The following HPSE2 variants were observed in gnomAD, a reference collection of about 807,000 sequenced individuals.
HPSE2 encodes heparanase 2 (inactive).
HPSE2 carries 38 observed loss-of-function variants against 60.5 expected under a neutral mutation model. That is an observed-to-expected ratio of 0.63 (90% CI 0.48 to 0.82). The LOEUF (loss-of-function observed/expected upper bound fraction) is 0.82, where lower values mean the gene tolerates loss of function less well. HPSE2 is among the 40% of genes least tolerant of loss of function. The pLI is 0.00. For synonymous variants in HPSE2, 295 were observed against 293.2 expected, an observed-to-expected ratio of 1.01 and a Z score of -0.06; for missense variants, 713 against 740.4, an observed-to-expected ratio of 0.96 and a Z score of 0.43.
At chr10:98,603,597 T>G (rs968080135) in intron 9 of HPSE2, among the ~76,000 whole-genome samples, 1 of 151,940 alleles carries the variant, frequency 6.6e-6, no homozygotes, top group Non-Finnish European at 1.5e-5. Flanking sequence ...GCCAGGCTAA[T>G]TTTTTGTATT....
chr10:98,903,383 T>C (rs940593189), intron 3 of HPSE2, among the ~76,000 whole-genome samples: 2 of 152,070 alleles, frequency 1.3e-5, no homozygotes, highest in South Asian at 2.1e-4. Context: ...TAAAAGACAT[T>C]GAATTGTACA....
At chr10:99,305,834 C>T in the HPSE2 span, among the ~76,000 whole-genome samples, 1 of 152,132 alleles carries the variant, frequency 6.6e-6, no homozygotes, top group South Asian at 2.1e-4. Context: ...ATCAAATGGA[C>T]ATTCTGACTC....
intron 4 of HPSE2, among the ~76,000 whole-genome samples, chr10:98,724,317 G>A (rs181756952): frequency 0.014 from 2,197 of 152,258 alleles, 54 homozygotes; most frequent in African/African-American, 0.05. Context: ...TGATTGCACT[G>A]TGGTCTGAGA....
At chr10:99,072,502 G>A (rs1842824233) in intron 3 of HPSE2, among the ~76,000 whole-genome samples, 1 of 152,002 alleles carries the variant, frequency 6.6e-6, no homozygotes, top group Non-Finnish European at 1.5e-5. Context: ...GACATGAACA[G>A]ACACTTCTCA....
intron 2 of HPSE2, among the ~76,000 whole-genome samples, chr10:99,158,734 C>CTTAAATATATACTTAAAGTATATAT (rs1846693914): frequency 4.0e-5 from 6 of 148,596 alleles, no homozygotes; most frequent in Non-Finnish European, 8.9e-5. Flanking sequence ...TACCCTAAAA[C>CTTAAATATATACTTAAAGTATATAT]TTAAAGTATA....
intron 6 of HPSE2, among the ~76,000 whole-genome samples, chr10:98,653,559 T>C (rs549695916): frequency 1.3e-5 from 2 of 152,002 alleles, no homozygotes; most frequent in Non-Finnish European, 2.9e-5. Context: ...CCAATATACA[T>C]TTTTAATGAA....
chr10:98,689,149 GA>G (rs1948008133), intron 6 of HPSE2, among the ~76,000 whole-genome samples: 1 of 152,014 alleles, frequency 6.6e-6, no homozygotes, highest in Admixed American at 6.6e-5. Context: ...AAAATTGGGA[GA>G]AGTTCAGCTT....
At chr10:98,483,360 A>G (rs1788434878) in intron 10 of HPSE2, among the ~76,000 whole-genome samples, 1 of 152,246 alleles carries the variant, frequency 6.6e-6, no homozygotes, top group Non-Finnish European at 1.5e-5. Context: ...AAACTTTTCA[A>G]TCATAGAAGT....
chr10:98,995,812 GGACA>G (rs1956630128), intron 3 of HPSE2, among the ~76,000 whole-genome samples: 2 of 152,024 alleles, frequency 1.3e-5, no homozygotes, highest in South Asian at 2.1e-4. Context: ...CAAGACACTT[GGACA>G]GACACTTTAC....
chr10:98,806,680 TATA>T (rs1465527044), intron 3 of HPSE2, among the ~76,000 whole-genome samples: 2 of 152,254 alleles, frequency 1.3e-5, no homozygotes, highest in African/African-American at 2.4e-5. Context: ...GTTAAATGGA[TATA>T]ATACTTTTTA....
chr10:98,764,689 T>C (rs767252616), intron 3 of HPSE2, among the ~76,000 whole-genome samples: 1 of 152,032 alleles, frequency 6.6e-6, no homozygotes, highest in Non-Finnish European at 1.5e-5. Context: ...CCCTGTCTTC[T>C]ACTAAAAAAA....
intron 3 of HPSE2, chr10:99,047,943 G>A: frequency 1.3e-6 from 1 of 746,372 alleles, no homozygotes; most frequent in Non-Finnish European, 2.4e-6. Flanking sequence ...GATGGTGTTA[G>A]CCCAAAGGTC....
At chr10:99,104,376 C>T (rs1844149925) in intron 3 of HPSE2, among the ~76,000 whole-genome samples, 1 of 152,098 alleles carries the variant, frequency 6.6e-6, no homozygotes, top group Admixed American at 6.5e-5. Context: ...CATCTCACAC[C>T]AGTTAGAATG....
At chr10:98,888,820 T>C (rs914122180) in intron 3 of HPSE2, among the ~76,000 whole-genome samples, 5 of 152,226 alleles carry the variant, frequency 3.3e-5, no homozygotes, top group African/African-American at 4.8e-5. Context: ...GGGAAACCAA[T>C]TAAATTTGAG....
intron 3 of HPSE2, among the ~76,000 whole-genome samples, chr10:99,080,920 G>A (rs531712433): frequency 1.3e-5 from 2 of 152,286 alleles, no homozygotes; most frequent in South Asian, 2.1e-4. Context: ...AATGCTGACT[G>A]TAGAATATTT....
chr10:99,132,892 G>T (rs1589708475), intron 3 of HPSE2, among the ~76,000 whole-genome samples: 1 of 152,250 alleles, frequency 6.6e-6, no homozygotes, highest in Middle Eastern at 3.4e-3. Context: ...AGACAGAACT[G>T]TTCACTCCCC....
At chr10:99,243,274 A>G in the HPSE2 span, among the ~76,000 whole-genome samples, 1 of 151,658 alleles carries the variant, frequency 6.6e-6, no homozygotes, top group East Asian at 1.9e-4. Flanking sequence ...AATTGCTTGA[A>G]CCCAGGAGGC....
intron 3 of HPSE2, among the ~76,000 whole-genome samples, chr10:98,767,398 C>A (rs1950143728): frequency 6.6e-6 from 1 of 151,530 alleles, no homozygotes; most frequent in African/African-American, 2.4e-5. Context: ...ATACATGCAG[C>A]ATGATACTAT....
At chr10:98,918,614 A>G (rs527330765) in intron 3 of HPSE2, among the ~76,000 whole-genome samples, 6 of 140,736 alleles carry the variant, frequency 4.3e-5, no homozygotes, top group African/African-American at 1.3e-4. Flanking sequence ...TCACTCATAG[A>G]TGGGAATTGA....
Sources: allele counts gnomAD v4.1 joint callset (sites outside exome capture counted in the v4.1 genomes callset), GRCh38; gene constraint gnomAD v4.1.1; transcripts MANE v1.5; gene names NCBI Gene and HGNC (gene_info 2026-07-23, HGNC 2026-07-21).